CUX1: variants seen among roughly 807,000 people sequenced by gnomAD.
CUX1 encodes the protein cut like homeobox 1, also known as protein CASP.
Under a neutral mutation model 158.8 loss-of-function variants are expected in CUX1, and 31 were observed. The ratio of observed to expected loss-of-function variants is 0.20; its 90% CI spans 0.15 to 0.26. The LOEUF is 0.26. Among genes scored for constraint, CUX1 ranks in the 10% least tolerant of loss-of-function variants. The pLI is 1.00. For synonymous variants in CUX1, 879 were observed against 862.1 expected (o/e 1.02, Z -0.34); for missense variants, 1,589 against 2,014.6 (o/e 0.79, Z 4.04).
intron 2 of CUX1, among the ~76,000 whole-genome samples, chr7:101,964,871 G>A (rs1482531304): frequency 1.3e-5 from 2 of 152,206 alleles, no homozygotes; most frequent in Non-Finnish European, 2.9e-5. Flanking sequence ...ACGAGGGCTT[G>A]TGCAACAGGC....
At chr7:102,120,260 C>T (rs10245460) in intron 8 of CUX1, among the ~76,000 whole-genome samples, 227 of 152,322 alleles carry the variant, frequency 1.5e-3, no homozygotes, top group African/African-American at 5.3e-3. Flanking sequence ...CGATCCTATG[C>T]CCTGTCCCCA....
At chr7:102,236,439 G>GTTTTGTT (rs571382011) in intron 22 of CUX1, among the ~76,000 whole-genome samples, 2 of 152,150 alleles carry the variant, frequency 1.3e-5, no homozygotes, top group Non-Finnish European at 1.5e-5. Flanking sequence ...CTTATTTTTC[G>GTTTTGTT]TTTTGTTTTT....
At chr7:102,181,283 AC>A (rs1793060608) in intron 11 of CUX1, among the ~76,000 whole-genome samples, 1 of 152,112 alleles carries the variant, frequency 6.6e-6, no homozygotes, top group South Asian at 2.1e-4. Context: ...TCATCAGCTT[AC>A]CCAATGAGTA....
At chr7:102,247,042 TA>T (rs1800884302) in intron 23 of CUX1, among the ~76,000 whole-genome samples, 1 of 151,980 alleles carries the variant, frequency 6.6e-6, no homozygotes, top group African/African-American at 2.4e-5. Flanking sequence ...TACAATATTT[TA>T]AAAATTTAGG....
intron 1 of CUX1, among the ~76,000 whole-genome samples, chr7:101,820,907 C>T (rs983331108): frequency 1.3e-5 from 2 of 152,094 alleles, no homozygotes; most frequent in Non-Finnish European, 2.9e-5. Context: ...TATAGCCATT[C>T]GTTTTGTCGA....
chr7:102,273,140 G>T (rs1232854338), intron 14 of CUX1, among the ~76,000 whole-genome samples: 1 of 152,240 alleles, frequency 6.6e-6, no homozygotes, highest in Non-Finnish European at 1.5e-5. Flanking sequence ...TCCAGAGAGT[G>T]CTTGGGGCCA....
At chr7:101,847,076 C>A (rs1238906563) in intron 1 of CUX1, among the ~76,000 whole-genome samples, 1 of 152,202 alleles carries the variant, frequency 6.6e-6, no homozygotes, top group East Asian at 1.9e-4. Flanking sequence ...CCCAGGAGTT[C>A]GCGGCTGCAG....
intron 6 of CUX1, among the ~76,000 whole-genome samples, chr7:102,105,035 G>A (rs542007627): frequency 3.3e-5 from 5 of 152,302 alleles, no homozygotes; most frequent in South Asian, 2.1e-4. Flanking sequence ...GGCATGAGTC[G>A]TTAGCAAGGC....
chr7:101,919,292 G>C (rs1366792023), intron 2 of CUX1, among the ~76,000 whole-genome samples: 1 of 152,112 alleles, frequency 6.6e-6, no homozygotes, highest in African/African-American at 2.4e-5. Flanking sequence ...GTGTCCCAAG[G>C]GGACACTGGG....
intron 1 of CUX1, among the ~76,000 whole-genome samples, chr7:101,834,440 T>C (rs1794408638): frequency 3.3e-5 from 5 of 152,170 alleles, no homozygotes; most frequent in Admixed American, 3.3e-4. Flanking sequence ...TCCCAAATGC[T>C]GGGATTACAG....
Position 102,178,667 on chromosome 7 carries a change from C to T in CUX1, c.1017+10C>T, listed in dbSNP as rs1554512900. The T allele has an allele frequency of 6.3e-7, 1 of 1,599,606 alleles. No homozygotes were observed. Among genetic ancestry groups the T allele is most frequent in the Admixed American group, 1.7e-5 (1 of 58,398 alleles). ...AAACAGCACACTCAAAGTAAGGGGG[C>T]TGCGGGGCCCGGGGGTGGCCCGAGG... is the stretch of plus-strand genomic sequence containing the variant. On this transcript the variant is annotated intron_variant, in intron 11 of 23. Coordinates refer to ENST00000292535, the MANE Select transcript of CUX1 (RefSeq NM_181552.4).
chr7:102,065,752 C>G, intron 3 of CUX1, among the ~76,000 whole-genome samples: 1 of 151,730 alleles, frequency 6.6e-6, no homozygotes, highest in East Asian at 1.9e-4. Flanking sequence ...GGTTTTTATG[C>G]CGGTTTAGAT....
intron 20 of CUX1, among the ~76,000 whole-genome samples, chr7:102,226,914 G>A (rs868938904): frequency 4.6e-4 from 70 of 152,164 alleles, no homozygotes; most frequent in African/African-American, 1.6e-3. Flanking sequence ...CTTCCTAACT[G>A]TGGTGACTAC....
chr7:102,101,541 T>G (rs1240040327), intron 5 of CUX1, among the ~76,000 whole-genome samples: 2 of 152,196 alleles, frequency 1.3e-5, no homozygotes, highest in East Asian at 3.9e-4. Flanking sequence ...CACACTGTGA[T>G]GTGTCACTGA....
chr7:102,282,952 T>G, intron 22 of CUX1: 2 of 606,812 alleles, frequency 3.3e-6, no homozygotes, highest in Non-Finnish European at 5.5e-6. Flanking sequence ...CCCCACCCCA[T>G]CACATGGTAC....
chr7:102,212,329 G>A (rs184504440), intron 20 of CUX1, among the ~76,000 whole-genome samples: 81 of 152,120 alleles, frequency 5.3e-4, no homozygotes, highest in Non-Finnish European at 8.7e-4. Context: ...GGCAGCCTAC[G>A]CAGGCTGCCA....
At chr7:102,034,133 G>T (rs1415349045) in intron 3 of CUX1, among the ~76,000 whole-genome samples, 1 of 82,760 alleles carries the variant, frequency 1.2e-5, no homozygotes, top group African/African-American at 5.1e-5. Flanking sequence ...GTGACAGAGC[G>T]AGACTCCATC....
chr7:102,256,844 G>T lies in CUX1; in HGVS notation c.*7802G>T. On this transcript the variant is annotated 3_prime_UTR_variant, in exon 24 of 24. Transcript: ENST00000292535. ...AGTGATTTCTTGCAAGGCCCGCATGGGTTGATACGTTTTGGTTGGTTTTTT... is the reference window on the plus strand; with the variant it reads ...AGTGATTTCTTGCAAGGCCCGCATGTGTTGATACGTTTTGGTTGGTTTTTT... 1.0e-6 allele frequency: 1 copy of T among 985,484 alleles called. No homozygotes were observed. Among genetic ancestry groups the T allele is most frequent in the Non-Finnish European group, 1.2e-6 (1 of 829,962 alleles). 61.0% of individuals were successfully genotyped at this position (985,484 alleles called of 1,614,324 possible). A position where few individuals can be genotyped will look rare whatever the true frequency, so the allele number is the denominator to read the frequency against.
intron 3 of CUX1, among the ~76,000 whole-genome samples, chr7:102,051,030 A>T (rs1212110491): frequency 6.6e-6 from 1 of 151,858 alleles, no homozygotes; most frequent in Non-Finnish European, 1.5e-5. Context: ...ATCCTCAGGG[A>T]TTCCCCTTCA....
Sources: allele counts gnomAD v4.1 joint callset (sites outside exome capture counted in the v4.1 genomes callset), GRCh38; gene constraint gnomAD v4.1.1; transcripts MANE v1.5; gene names NCBI Gene and HGNC (gene_info 2026-07-23, HGNC 2026-07-21).